The following TOGARAM1 variants were observed in gnomAD, a reference collection of about 807,000 sequenced individuals.
The protein encoded by TOGARAM1 is TOG array regulator of axonemal microtubules protein 1.
In TOGARAM1, 100 loss-of-function variants were observed where a neutral mutation model predicts 166.6. That is an observed-to-expected ratio of 0.60 (90% CI 0.51 to 0.71). The LOEUF (loss-of-function observed/expected upper bound fraction) is 0.71, where lower values mean the gene tolerates loss of function less well. Ranked by LOEUF, TOGARAM1 falls within the 30% of genes least tolerant of loss-of-function variation. The pLI, the probability that TOGARAM1 is intolerant of heterozygous loss-of-function variation, is 0.00. For missense variants in TOGARAM1, 2,029 were observed against 2,102.7 expected (o/e 0.96, Z 0.69); for synonymous variants, 758 against 763.8 (o/e 0.99, Z 0.13).
intron 12 of TOGARAM1, 79 bp from the exon 13 acceptor site, chr14:45,044,556 G>T: frequency 1.5e-5 from 15 of 1,019,220 alleles, no homozygotes; most frequent in South Asian, 1.6e-5. Flanking sequence ...AAAAAACATT[G>T]TAAAATTCCT....
intron 11 of TOGARAM1, among the ~76,000 whole-genome samples, chr14:45,043,084 C>T (rs11157430): frequency 1.3e-5 from 2 of 152,152 alleles, no homozygotes; most frequent in African/African-American, 4.8e-5. Context: ...TCTGCTGTTT[C>T]GTGTAGCTAC....
chr14:44,981,459 G>C lies in TOGARAM1; in HGVS notation c.2047-14287G>C, dbSNP rs143075902. ...GTTTTAGAATCAAAGTGGTGAGGGA[G>C]TTTCAAGGAGTCATCAGTGTTAAAT... On this transcript the variant is annotated intron_variant, in intron 1 of 19. Coordinates refer to ENST00000361462, the MANE Select transcript of TOGARAM1 (RefSeq NM_001308120.2). Among the ~76,000 whole-genome samples the C allele has an allele frequency of 1.6e-3, 237 of 152,312 alleles. 2 individuals are homozygous for C. Among genetic ancestry groups the C allele is most frequent in the Admixed American group, 5.6e-3 (85 of 15,296 alleles).
chr14:44,977,125 G>T (rs1293877663), intron 1 of TOGARAM1, among the ~76,000 whole-genome samples: 4 of 151,610 alleles, frequency 2.6e-5, no homozygotes, highest in African/African-American at 9.7e-5. Context: ...GCTATCAAAT[G>T]CATCTAACTC....
chr14:45,001,011 G>T (rs1243746940), intron 3 of TOGARAM1, among the ~76,000 whole-genome samples: 2 of 152,168 alleles, frequency 1.3e-5, no homozygotes, highest in African/African-American at 4.8e-5. Flanking sequence ...GATTACAGGT[G>T]CAAGCCACCA....
In TOGARAM1 at chr14:45,027,443, C is replaced by T; in HGVS notation, c.3473C>T (p.Ser1158Leu). Residue 1158 changes from serine to leucine, a missense_variant, in exon 9 of 20, where the codon TCA (serine) becomes TTA (leucine). Around this residue, in one of 2 missense-constraint regions of TOGARAM1, gnomAD observed 1,453 missense variants for 1,432.2 expected, o/e 1.01. Coordinates refer to ENST00000361462, the MANE Select transcript of TOGARAM1 (RefSeq NM_001308120.2). ...GGAAGATCAGTCCAGCAAAATATTTCATCATATCTTGATGTTGAGAATGAA... is the reference window on the plus strand; with the variant it reads ...GGAAGATCAGTCCAGCAAAATATTTTATCATATCTTGATGTTGAGAATGAA... The part of the protein sequence containing the change: ...IYGRSVQQNI[S>L]SYLDVENEKD... The T allele has an allele frequency of 6.2e-7, 1 of 1,609,328 alleles. No individual in the cohort carries two copies. The highest frequency in any genetic ancestry group is 2.2e-5 in the East Asian group (1 of 44,690).
chr14:45,050,637 T>G (rs576649948), intron 14 of TOGARAM1, among the ~76,000 whole-genome samples: 7 of 151,568 alleles, frequency 4.6e-5, no homozygotes, highest in Non-Finnish European at 8.8e-5. Context: ...CCTTTTTTTT[T>G]CCCCCAAGAC....
chr14:44,962,855 T>C lies in TOGARAM1; in HGVS notation c.434T>C (p.Val145Ala). 6.2e-7 allele frequency: 1 copy of C among 1,613,434 alleles called. No individual in the cohort carries two copies. Among genetic ancestry groups the C allele is most frequent in the South Asian group, 1.1e-5 (1 of 91,062 alleles). The change falls in exon 1 of 20, where the codon GTG becomes GCG. Residue 145 changes from valine to alanine, a missense_variant. Physicochemically the swap from Val to Ala is moderately conservative, Grantham distance 64. This residue lies in a region of TOGARAM1 where 1,453 missense variants were observed against 1,432.2 expected (regional missense o/e 1.01). Transcript: ENST00000361462. ...TATCGGGCACTGGGCCGAGTGCTTG[T>C]GGAAGGAGGTAGTGATGAGAAGCGG... ...ALYRALGRVL[V>A]EGGSDEKRLC...
chr14:45,010,135 G>A (rs1468211369), intron 6 of TOGARAM1, among the ~76,000 whole-genome samples: 5 of 152,052 alleles, frequency 3.3e-5, no homozygotes, highest in African/African-American at 4.8e-5. Context: ...AGAAATATAC[G>A]TAAATAGAGA....
intron 11 of TOGARAM1, among the ~76,000 whole-genome samples, chr14:45,037,863 T>TAAA (rs763216597): frequency 7.8e-6 from 1 of 128,958 alleles, no homozygotes; most frequent in Non-Finnish European, 1.7e-5. Context: ...CCATCTCTAC[T>TAAA]AAAAAAAAAA....
chr14:44,992,375 G>A (rs1009070427), intron 1 of TOGARAM1, among the ~76,000 whole-genome samples: 10 of 151,786 alleles, frequency 6.6e-5, no homozygotes, highest in African/African-American at 2.4e-5. Context: ...AGAAAGAACT[G>A]GTAAAAGGTG....
Position 45,028,186 on chromosome 14 carries a change from C to T in TOGARAM1, c.3515C>T (p.Ser1172Phe), listed in dbSNP as rs746793872. 5 of 1,569,128 alleles carry T rather than the reference C, an allele frequency of 3.2e-6. No individual in the cohort carries two copies. In the Admixed American group the frequency reaches 6.4e-5, roughly 20 times the overall value. The stretch of plus-strand genomic sequence containing the variant: ...AACTTTTTCATGCAGGCTAAAGTTT[C>T]TATTTCTAAATCTACTTATAACAAG... ...DVENEKDAKV[S>F]ISKSTYNKMR... The change falls in exon 10 of 20, where the codon TCT becomes TTT. Residue 1172 changes from serine (S) to phenylalanine (F), a missense_variant. By Grantham distance (155) the Ser-to-Phe change is radical (BLOSUM62 -2). Around this residue, in one of 2 missense-constraint regions of TOGARAM1, gnomAD observed 1,453 missense variants for 1,432.2 expected, o/e 1.01. Transcript: ENST00000361462.
intron 14 of TOGARAM1, among the ~76,000 whole-genome samples, chr14:45,047,603 A>G (rs10132696): frequency 0.055 from 8,416 of 152,144 alleles, 766 homozygotes; most frequent in African/African-American, 0.19. Context: ...AGAAATTTTC[A>G]ATGTAGTCAG....
intron 7 of TOGARAM1, among the ~76,000 whole-genome samples, chr14:45,019,850 G>C (rs1384362472): frequency 3.9e-5 from 6 of 152,190 alleles, no homozygotes. Flanking sequence ...TGCTGTTGGG[G>C]TGGTTGGCTG....
intron 1 of TOGARAM1, among the ~76,000 whole-genome samples, chr14:44,979,829 G>A (rs1886431510): frequency 6.6e-6 from 1 of 152,122 alleles, no homozygotes; most frequent in Admixed American, 6.5e-5. Context: ...CTTCTTGACA[G>A]GAGCTAAGGC....
At position 45,044,777 on chromosome 14, in the gene TOGARAM1, T is replaced by G; in HGVS notation, c.4061T>G (p.Phe1354Cys). 1 of 1,614,102 alleles carries G rather than the reference T, an allele frequency of 6.2e-7. No individual in the cohort carries two copies. ...LLHKAGESNT[F>C]IREDVDKALR... ...CACAAGGCTGGTGAATCAAATACAT[T>G]TATAAGAGAAGATGTTGACAAAGCA... is the stretch of plus-strand genomic sequence containing the variant. The change falls in exon 13 of 20, where the codon TTT (phenylalanine) becomes TGT (cysteine). Residue 1354 changes from phenylalanine to cysteine, a missense_variant. Physicochemically the swap from Phe to Cys is radical, Grantham distance 205. This residue lies in a region of TOGARAM1 where 576 missense variants were observed against 670.5 expected (regional missense o/e 0.86). Transcript: ENST00000361462.
intron 10 of TOGARAM1, among the ~76,000 whole-genome samples, chr14:45,030,930 C>T (rs768822815): frequency 6.6e-6 from 1 of 152,136 alleles, no homozygotes; most frequent in South Asian, 2.1e-4. Flanking sequence ...AGAATACCTA[C>T]CTCAGCTTTG....
At chr14:44,985,456 G>T (rs117551956) in intron 1 of TOGARAM1, among the ~76,000 whole-genome samples, 2,587 of 152,300 alleles carry the variant, frequency 0.017, 31 homozygotes, top group Non-Finnish European at 0.024. Flanking sequence ...TAGACTAGGG[G>T]GTGGGGGATG....
chr14:44,962,645 C>A lies in TOGARAM1; in HGVS notation c.224C>A (p.Ser75Ter). ...SPLASALLMP[S>*]EAVSSSWSES... is the part of the protein sequence containing the mutation. ...CTGGCCTCGGCCCTCTTGATGCCCTCGGAGGCAGTCTCAAGCAGCTGGTCT... is the reference window on the plus strand; with the variant it reads ...CTGGCCTCGGCCCTCTTGATGCCCTAGGAGGCAGTCTCAAGCAGCTGGTCT... Residue 75 changes from serine (S) to a stop codon, truncating the protein, a stop_gained, in exon 1 of 20, where the codon TCG becomes TAG. Transcript: ENST00000361462. LOFTEE classifies it high-confidence loss of function. 5 of 1,614,060 alleles carry A rather than the reference C, an allele frequency of 3.1e-6. No homozygotes were observed. The highest frequency in any genetic ancestry group is 4.2e-6 in the Non-Finnish European group (5 of 1,179,952).
chr14:45,021,515 T>C (rs1880506844), intron 7 of TOGARAM1, among the ~76,000 whole-genome samples: 1 of 152,168 alleles, frequency 6.6e-6, no homozygotes, highest in Non-Finnish European at 1.5e-5. Context: ...TTTACGATTT[T>C]AGTTACTTTC....
Sources: allele counts gnomAD v4.1 joint callset (sites outside exome capture counted in the v4.1 genomes callset), GRCh38; gene constraint gnomAD v4.1.1; regional missense constraint gnomAD v4.1.1; transcripts MANE v1.5; gene names NCBI Gene and HGNC (gene_info 2026-07-23, HGNC 2026-07-21).